The following LHPP variants were observed in gnomAD, a reference collection of about 807,000 sequenced individuals.
LHPP encodes phospholysine phosphohistidine inorganic pyrophosphate phosphatase.
Under a neutral mutation model 30.3 loss-of-function variants are expected in LHPP, and 24 were observed. The observed-to-expected ratio is 0.79, with a 90% confidence interval of 0.57 to 1.11. The LOEUF is 1.11. Ranked by LOEUF, LHPP falls within the 50% of genes most tolerant of loss-of-function variation. The pLI, the probability that LHPP is intolerant of heterozygous loss-of-function variation, is 0.00. For missense variants in LHPP, 356 were observed against 367.2 expected (o/e 0.97, Z 0.25); for synonymous variants, 150 against 157.1 (o/e 0.95, Z 0.34).
intron 6 of LHPP, among the ~76,000 whole-genome samples, chr10:124,610,360 TGAGG>T (rs1949158423): frequency 6.6e-6 from 1 of 150,720 alleles, no homozygotes; most frequent in African/African-American, 2.5e-5. Context: ...AGGGTGCGGG[TGAGG>T]GTGCTGGTGG....
chr10:124,513,790 T>TAAA (rs113227798), intron 5 of LHPP, among the ~76,000 whole-genome samples: 4 of 143,942 alleles, frequency 2.8e-5, no homozygotes, highest in African/African-American at 1.0e-4. Context: ...TTATTTATAT[T>TAAA]AAAAAAAAAA....
chr10:124,461,901 G>A lies in LHPP; in HGVS notation c.39G>A (p.Gly13=). The A allele has an allele frequency of 8.0e-7, 1 of 1,257,198 alleles. No homozygotes were observed. Among genetic ancestry groups the A allele is most frequent in the African/African-American group, 1.5e-5 (1 of 65,222 alleles). The allele number at this position is 1,257,198 out of a possible 1,614,324, so 77.9% of individuals were successfully genotyped here. Residue 13 remains glycine, a synonymous_variant, in exon 1 of 7, where the codon GGG becomes GGA. Transcript: ENST00000368842. Reference sequence around the variant, plus strand: ...GCAAGCGGCTGGCTGGCGTGCGCGGGGTGCTGCTTGACATCTCGGGCGTGC... The same window carrying A: ...GCAAGCGGCTGGCTGGCGTGCGCGGAGTGCTGCTTGACATCTCGGGCGTGC... The part of the protein sequence containing the change: ...PWGKRLAGVR[G]VLLDISGVLY...
chr10:124,508,314 C>T (rs1482234541), intron 5 of LHPP, among the ~76,000 whole-genome samples: 8 of 152,212 alleles, frequency 5.3e-5, no homozygotes, highest in Admixed American at 5.2e-4. Flanking sequence ...CAACTCCTGA[C>T]TGGGAGCAGG....
intron 5 of LHPP, among the ~76,000 whole-genome samples, chr10:124,504,235 C>T (rs1022027139): frequency 6.6e-6 from 1 of 151,502 alleles, no homozygotes; most frequent in Non-Finnish European, 1.5e-5. Flanking sequence ...TCACAACCAT[C>T]TCAAACAGCC....
intron 6 of LHPP, among the ~76,000 whole-genome samples, chr10:124,569,478 G>A (rs1421290324): frequency 6.6e-6 from 1 of 152,192 alleles, no homozygotes; most frequent in Non-Finnish European, 1.5e-5. Context: ...AAGTCTGAGG[G>A]CAGAGCTGGG....
In LHPP at chr10:124,595,994, C is replaced by T. The variant is rs377404189; in HGVS notation, c.717-17270C>T. On this transcript the variant is annotated intron_variant, in intron 6 of 6. Transcript: ENST00000368842. ...GGGAGCTAGCCCGTGCCTTCACCCC[C>T]GTCTTCTGCCTGACGGTAAACTTGA... 7.2e-5 allele frequency among the ~76,000 whole-genome samples: 11 copies of T among 152,264 alleles called. No individual in the cohort carries two copies. In the East Asian group the frequency reaches 9.7e-4, roughly 13 times the overall value.
chr10:124,600,897 C>T (rs1369865022), intron 6 of LHPP, among the ~76,000 whole-genome samples: 2 of 152,254 alleles, frequency 1.3e-5, no homozygotes, highest in Non-Finnish European at 2.9e-5. Context: ...CGGAATGTCC[C>T]TGATCTCAGG....
In LHPP at chr10:124,541,816, G is replaced by A. The variant is rs1232662104; in HGVS notation, c.716+24545G>A. On this transcript the variant is annotated intron_variant, in intron 6 of 6. Transcript: ENST00000368842. This position sits in a 1 kb window ranked among gnomAD's most constrained non-coding sequence, Gnocchi z 4.2. The stretch of plus-strand genomic sequence containing the variant: ...TTGGAGACCAGAGTGGAGTGGGCTG[G>A]GCGGGCCAGGCCCCGGCCCAGATGG... 6.6e-6 allele frequency among the ~76,000 whole-genome samples: 1 copy of A among 152,062 alleles called. No individual in the cohort carries two copies. The highest frequency in any genetic ancestry group is 1.5e-5 in the Non-Finnish European group (1 of 67,978).
intron 6 of LHPP, among the ~76,000 whole-genome samples, chr10:124,574,307 C>T (rs756916444): frequency 5.3e-5 from 8 of 152,116 alleles, no homozygotes; most frequent in Admixed American, 2.6e-4. Flanking sequence ...CCGGGAGCAT[C>T]GCCAGCAGCA....
intron 6 of LHPP, among the ~76,000 whole-genome samples, chr10:124,556,065 G>T (rs1463140367): frequency 1.3e-5 from 2 of 151,826 alleles, no homozygotes; most frequent in East Asian, 3.8e-4. Context: ...ACAGTTATGA[G>T]ATGGCAGAGG....
At chr10:124,535,791 AG>A (rs1955008723) in intron 6 of LHPP, among the ~76,000 whole-genome samples, 1 of 152,234 alleles carries the variant, frequency 6.6e-6, no homozygotes, top group Non-Finnish European at 1.5e-5. Context: ...AGGTATCAGG[AG>A]GAGACACTCA....
intron 5 of LHPP, among the ~76,000 whole-genome samples, chr10:124,506,795 G>A (rs1345477917): frequency 5.8e-5 from 1 of 17,262 alleles, no homozygotes. Flanking sequence ...TTTCAGGTTG[G>A]GGGGGGTAGG....
chr10:124,504,599 C>CAA (rs59159229), intron 5 of LHPP, among the ~76,000 whole-genome samples: 73 of 105,758 alleles, frequency 6.9e-4, no homozygotes, highest in East Asian at 4.4e-3. Flanking sequence ...GACCCTGTCT[C>CAA]AAAAAAAAAA....
In LHPP at chr10:124,591,795, C is replaced by T. The variant is rs80036625; in HGVS notation, c.717-21469C>T. Among the ~76,000 whole-genome samples the T allele has an allele frequency of 3.0e-3, 449 of 150,592 alleles. 2 individuals are homozygous for T. Among genetic ancestry groups the T allele is most frequent in the East Asian group, 0.019 (95 of 5,050 alleles). On this transcript the variant is annotated intron_variant, in intron 6 of 6. Coordinates refer to ENST00000368842, the MANE Select transcript of LHPP (RefSeq NM_022126.4). ...AGGTAGGAGTAATTGTTCTAAGCTC[C>T]GCAGCTGACTACAGAGAGCGGCCAC...
At chr10:124,466,282 A>G (rs2133808035) in intron 1 of LHPP, among the ~76,000 whole-genome samples, 1 of 152,342 alleles carries the variant, frequency 6.6e-6, no homozygotes, top group East Asian at 1.9e-4. Context: ...TCTGGTATAG[A>G]AAATGCAGAA....
chr10:124,488,410 C>T lies in LHPP; in HGVS notation c.314-12C>T. On this transcript the variant is annotated splice_polypyrimidine_tract_variant and intron_variant, in intron 2 of 6. Coordinates refer to ENST00000368842, the MANE Select transcript of LHPP (RefSeq NM_022126.4). ...GGGCTCCGTGGCACTCTGTCTCTCT[C>T]TCTCTTTCCAGGAGTCCGCTCAGAA... 20 of 1,613,624 alleles carry T rather than the reference C, an allele frequency of 1.2e-5. No individual in the cohort carries two copies. Among genetic ancestry groups the T allele is most frequent in the Non-Finnish European group, 1.6e-5 (19 of 1,179,850 alleles).
At chr10:124,513,071 G>A (rs12569908) in intron 5 of LHPP, among the ~76,000 whole-genome samples, 2,742 of 134,132 alleles carry the variant, frequency 0.02, 68 homozygotes, top group East Asian at 0.11. Context: ...GAGAAGACAT[G>A]TAGTTTGTTT....
At chr10:124,561,844 G>C (rs1948400299) in intron 6 of LHPP, among the ~76,000 whole-genome samples, 1 of 152,092 alleles carries the variant, frequency 6.6e-6, no homozygotes, top group Non-Finnish European at 1.5e-5. Context: ...GTCATGCTAA[G>C]AACCAAGGAA....
At chr10:124,519,359 A>C (rs1030348426) in intron 6 of LHPP, among the ~76,000 whole-genome samples, 1 of 152,172 alleles carries the variant, frequency 6.6e-6, no homozygotes, top group African/African-American at 2.4e-5. Flanking sequence ...AAATGGGATG[A>C]TATTGTTTTG....
Sources: allele counts gnomAD v4.1 joint callset (sites outside exome capture counted in the v4.1 genomes callset), GRCh38; gene constraint gnomAD v4.1.1; non-coding constraint Gnocchi (gnomAD v3.1); transcripts MANE v1.5; gene names NCBI Gene and HGNC (gene_info 2026-07-23, HGNC 2026-07-21).